The following C2orf72 variants were observed in gnomAD, a reference collection of about 807,000 sequenced individuals.
C2orf72 encodes uncharacterized protein C2orf72.
Under a neutral mutation model 14.4 loss-of-function variants are expected in C2orf72, and 16 were observed. The observed-to-expected ratio is 1.11, with a 90% CI of 0.75 to 1.69. The LOEUF (loss-of-function observed/expected upper bound fraction) is 1.69, where lower values mean the gene tolerates loss of function less well. C2orf72 is among the 40% of genes most tolerant of loss of function. The probability of loss-of-function intolerance (pLI) is 0.00; values close to 1 mark genes in which losing one functional copy is unlikely to be tolerated. For synonymous variants in C2orf72, 168 were observed against 176.8 expected (o/e 0.95, Z 0.40); for missense variants, 371 against 358.3 (o/e 1.04, Z -0.29).
At chr2:231,039,747 A>ATT (rs5839388) in intron 1 of C2orf72, among the ~76,000 whole-genome samples, 2 of 141,286 alleles carry the variant, frequency 1.4e-5, no homozygotes, top group African/African-American at 5.2e-5. Context: ...GAGTGCATGC[A>ATT]TTTTTTTTTT....
In C2orf72 at chr2:231,037,632, T is replaced by C. The variant is rs1394221845; in HGVS notation, c.67T>C (p.Leu23=). 10 of 1,106,846 alleles carry C rather than the reference T, an allele frequency of 9.0e-6. No individual in the cohort carries two copies. The highest frequency in any genetic ancestry group is 1.7e-5 in the African/African-American group (1 of 57,618). The allele number at this position is 1,106,846 out of a possible 1,614,324, so 68.6% of individuals were successfully genotyped here. A position where few individuals can be genotyped will look rare whatever the true frequency, so the allele number is the denominator to read the frequency against. The change falls in exon 1 of 3, where the codon TTG becomes CTG. Residue 23 remains leucine, a synonymous_variant. Transcript: ENST00000373640. Reference sequence around the variant, plus strand: ...CCCTGCCGAGCCGCCCTTCCAGGCGTTGGTGGAAGCGGCGGGGGGCCGCGG... The same window carrying C: ...CCCTGCCGAGCCGCCCTTCCAGGCGCTGGTGGAAGCGGCGGGGGGCCGCGG... ...ARPAEPPFQA[L]VEAAGGRGQV... is the part of the protein sequence containing the mutation.
At chr2:231,046,403 A>G (rs1693417034) in intron 2 of C2orf72, among the ~76,000 whole-genome samples, 1 of 151,944 alleles carries the variant, frequency 6.6e-6, no homozygotes, top group Non-Finnish European at 1.5e-5. Flanking sequence ...TGTGAGCCAT[A>G]GTTCACTCAA....
rs1227453034 is a variant in C2orf72, at chr2:231,047,547, A to G, written c.*526A>G. The G allele has an allele frequency of 3.6e-6, 1 of 275,206 alleles. No individual in the cohort carries two copies. The highest frequency in any genetic ancestry group is 7.2e-6 in the Non-Finnish European group (1 of 138,164). 17.0% of individuals were successfully genotyped at this position (275,206 alleles called of 1,614,324 possible). A position where few individuals can be genotyped will look rare whatever the true frequency, so the allele number is the denominator to read the frequency against. Reference sequence around the variant, plus strand: ...GGGGCAGGTTGTCCCTCCAGGCAGCATTGGAAATGTGTGTGTGTTGAGGGG... The same window carrying G: ...GGGGCAGGTTGTCCCTCCAGGCAGCGTTGGAAATGTGTGTGTGTTGAGGGG... On this transcript the variant is annotated 3_prime_UTR_variant, in exon 3 of 3. Coordinates refer to ENST00000373640, the MANE Select transcript of C2orf72 (RefSeq NM_001144994.2).
In C2orf72 at chr2:231,037,902, G is replaced by C; in HGVS notation, c.337G>C (p.Ala113Pro). 9.8e-7 allele frequency: 1 copy of C among 1,022,376 alleles called. No individual in the cohort carries two copies. Among genetic ancestry groups the C allele is most frequent in the Non-Finnish European group, 1.2e-6 (1 of 855,716 alleles). 63.3% of individuals were successfully genotyped at this position (1,022,376 alleles called of 1,614,324 possible). Residue 113 changes from alanine (A) to proline (P), a missense_variant, in exon 1 of 3, where the codon GCG becomes CCG. Physicochemically the swap from Ala to Pro is conservative, Grantham distance 27 (BLOSUM62 -1). This residue lies in a region of C2orf72 where 214 missense variants were observed against 178.7 expected (regional missense o/e 1.20). Coordinates refer to ENST00000373640, the MANE Select transcript of C2orf72 (RefSeq NM_001144994.2). ...GCCGCTGGTCTTCGTGCTGTGCCGCGCGTCGTCGCTGGCCGCCCGGGAGCC... is the reference window on the plus strand; with the variant it reads ...GCCGCTGGTCTTCGTGCTGTGCCGCCCGTCGTCGCTGGCCGCCCGGGAGCC... Reference protein sequence around the residue: ...RSPLVFVLCRASSLAAREPRR... With the variant: ...RSPLVFVLCRPSSLAAREPRR...
intron 2 of C2orf72, among the ~76,000 whole-genome samples, chr2:231,042,994 A>T (rs894792862): frequency 3.3e-5 from 5 of 152,230 alleles, no homozygotes; most frequent in Non-Finnish European, 7.3e-5. Context: ...ACAAGAGTGA[A>T]ACTCCGTCTC....
chr2:231,046,120 C>G (rs1387006965), intron 2 of C2orf72, among the ~76,000 whole-genome samples: 1 of 152,104 alleles, frequency 6.6e-6, no homozygotes, highest in South Asian at 2.1e-4. Context: ...TAGTGAGACC[C>G]TGTCTCAAAA....
Position 231,041,427 on chromosome 2 carries a change from TC to T in C2orf72, c.748+20del. On this transcript the variant is annotated intron_variant, in intron 2 of 2. Transcript: ENST00000373640. ...AGCTCAGGGTGAGTGCTCCCCGACC[TC>T]CTGCATCCTGAGGGCCAGGTGCATG... is the stretch of plus-strand genomic sequence containing the variant. 6.6e-7 allele frequency: 1 copy of T among 1,522,678 alleles called. No individual in the cohort carries two copies. 94.3% of individuals were successfully genotyped at this position (1,522,678 alleles called of 1,614,324 possible).
chr2:231,045,484 C>T (rs896059539), intron 2 of C2orf72, among the ~76,000 whole-genome samples: 18 of 146,546 alleles, frequency 1.2e-4, no homozygotes, highest in Admixed American at 1.2e-3. Flanking sequence ...TACTAGGTGA[C>T]AGGAATTTTT....
chr2:231,038,637 G>T (rs62193691), intron 1 of C2orf72, among the ~76,000 whole-genome samples: 25,767 of 152,002 alleles, frequency 0.17, 2,264 homozygotes, highest in African/African-American at 0.2. Context: ...AAATTCTAGG[G>T]CGCTGCGCAG....
chr2:231,037,834 G>A lies in C2orf72; in HGVS notation c.269G>A (p.Gly90Glu). Reference protein sequence around the residue: ...RGAQRAARAAGAAGAAAAAAR... With the variant: ...RGAQRAARAAEAAGAAAAAAR... ...GCGCAGAGGGCGGCGAGGGCGGCTG[G>A]GGCGGCGGGGGCGGCGGCGGCGGCG... The change falls in exon 1 of 3, where the codon GGG (glycine) becomes GAG (glutamate). Residue 90 changes from glycine to glutamate, a missense_variant. This residue lies in a region of C2orf72 where 214 missense variants were observed against 178.7 expected (regional missense o/e 1.20). Coordinates refer to ENST00000373640, the MANE Select transcript of C2orf72 (RefSeq NM_001144994.2). 2 of 978,776 alleles carry A rather than the reference G, an allele frequency of 2.0e-6. No individual in the cohort carries two copies. Among genetic ancestry groups the A allele is most frequent in the Admixed American group, 6.4e-5 (1 of 15,670 alleles). 60.6% of individuals were successfully genotyped at this position (978,776 alleles called of 1,614,324 possible).
At position 231,047,450 on chromosome 2, in the gene C2orf72, AT is replaced by A. The variant is rs2125139665; in HGVS notation, c.*430del. The A allele has an allele frequency of 3.1e-6, 1 of 322,470 alleles. No individual in the cohort carries two copies. The highest frequency in any genetic ancestry group is 8.0e-5 in the East Asian group (1 of 12,548). The allele number at this position is 322,470 out of a possible 1,614,324, so 20.0% of individuals were successfully genotyped here. ...TCAGAGCTGAGGCATGGCCTTGAAC[AT>A]GTCACTCAGTCTCTGGGGCTTCTGT... On this transcript the variant is annotated 3_prime_UTR_variant, in exon 3 of 3. Transcript: ENST00000373640.
At position 231,038,027 on chromosome 2, in the gene C2orf72, C is replaced by T. The variant is rs1693281750; in HGVS notation, c.462C>T (p.Asp154=). 1.9e-6 allele frequency: 2 copies of T among 1,076,506 alleles called. No individual in the cohort carries two copies. Among genetic ancestry groups the T allele is most frequent in the South Asian group, 4.3e-5 (1 of 23,008 alleles). 66.7% of individuals were successfully genotyped at this position (1,076,506 alleles called of 1,614,324 possible). Residue 154 remains aspartate, a synonymous_variant, in exon 1 of 3, where the codon GAC becomes GAT. Coordinates refer to ENST00000373640, the MANE Select transcript of C2orf72 (RefSeq NM_001144994.2). ...GVLVAEAGPE[D]AVAPGLRLLE... ...TGGTGGCCGAGGCCGGGCCAGAGGA[C>T]GCGGTGGCGCCGGGGCTGCGGCTGC...
intron 2 of C2orf72, 41 bp downstream of exon 2, chr2:231,041,450 C>T: frequency 6.9e-7 from 1 of 1,456,006 alleles, no homozygotes; most frequent in Non-Finnish European, 9.4e-7. Flanking sequence ...GGGCCAGGTG[C>T]ATGGAATTAT....
At chr2:231,046,188 A>G (rs1248356874) in intron 2 of C2orf72, among the ~76,000 whole-genome samples, 1 of 152,118 alleles carries the variant, frequency 6.6e-6, no homozygotes, top group East Asian at 1.9e-4. Context: ...GTTTCCCCCA[A>G]TGGTAACATT....
In C2orf72 at chr2:231,041,376, C is replaced by T. The variant is rs1239897783; in HGVS notation, c.715C>T (p.Gln239Ter). ...GGGTCCCTGGAGCCGGAGGAAGAACCAGGATGTTGCTGCCTGCAGAAGCTC... is the reference window on the plus strand; with the variant it reads ...GGGTCCCTGGAGCCGGAGGAAGAACTAGGATGTTGCTGCCTGCAGAAGCTC... The part of the protein sequence containing the change: ...SWGPWSRRKN[Q>*]DVAACRSSAQ... The change falls in exon 2 of 3, where the codon CAG becomes TAG. Residue 239 changes from glutamine (Q) to a stop codon, truncating the protein, a stop_gained. Coordinates refer to ENST00000373640, the MANE Select transcript of C2orf72 (RefSeq NM_001144994.2). LOFTEE classifies it low-confidence loss of function (END_TRUNC). 4 of 1,551,414 alleles carry T rather than the reference C, an allele frequency of 2.6e-6. No homozygotes were observed. Among genetic ancestry groups the T allele is most frequent in the African/African-American group, 2.7e-5 (2 of 73,028 alleles).
intron 1 of C2orf72, 49 bp from the exon 2 acceptor site, chr2:231,041,247 G>A: frequency 7.5e-7 from 1 of 1,337,788 alleles, no homozygotes; most frequent in South Asian, 1.4e-5. Context: ...TCAGTCTTGT[G>A]AAGTGGGAAC....
intron 2 of C2orf72, among the ~76,000 whole-genome samples, chr2:231,042,266 T>TC (rs1172288222): frequency 3.9e-5 from 6 of 151,968 alleles, no homozygotes; most frequent in East Asian, 1.9e-4. Flanking sequence ...AGCGCACTGA[T>TC]CCCCCCCTTA....
intron 2 of C2orf72, among the ~76,000 whole-genome samples, chr2:231,045,647 T>C (rs190265384): frequency 6.6e-6 from 1 of 151,564 alleles, no homozygotes; most frequent in Non-Finnish European, 1.5e-5. Context: ...GCCTCCCAGG[T>C]AGCTGGGACT....
intron 2 of C2orf72, among the ~76,000 whole-genome samples, chr2:231,046,557 A>G (rs1693418548): frequency 6.6e-6 from 1 of 152,092 alleles, no homozygotes; most frequent in African/African-American, 2.4e-5. Context: ...GAGTTGGTTG[A>G]TTCAGGGGCT....
Sources: allele counts gnomAD v4.1 joint callset (sites outside exome capture counted in the v4.1 genomes callset), GRCh38; gene constraint gnomAD v4.1.1; regional missense constraint gnomAD v4.1.1; transcripts MANE v1.5; gene names NCBI Gene and HGNC (gene_info 2026-07-23, HGNC 2026-07-21).